TLL1: variants seen among roughly 807,000 people sequenced by gnomAD.
TLL1 encodes the protein tolloid like 1, also known as tolloid-like protein 1.
TLL1 carries 49 observed loss-of-function variants against 128.2 expected under a neutral mutation model. The observed-to-expected ratio is 0.38, with a 90% CI of 0.30 to 0.48. The LOEUF (loss-of-function observed/expected upper bound fraction) is 0.48. Among genes scored for constraint, TLL1 ranks in the 20% least tolerant of loss-of-function variants. The pLI is 0.96. For missense variants in TLL1, 1,123 were observed against 1,242.0 expected (o/e 0.90, Z 1.44); for synonymous variants, 454 against 418.8 (o/e 1.08, Z -1.03).
At chr4:165,881,590 C>A (rs767335915) in intron 1 of TLL1, among the ~76,000 whole-genome samples, 2 of 152,222 alleles carry the variant, frequency 1.3e-5, no homozygotes, top group Non-Finnish European at 2.9e-5. Flanking sequence ...CAGAGTAAGA[C>A]CAGTGTTTTA....
intron 9 of TLL1, among the ~76,000 whole-genome samples, chr4:166,035,107 C>T (rs1480280066): frequency 6.6e-6 from 1 of 152,142 alleles, no homozygotes; most frequent in Non-Finnish European, 1.5e-5. Context: ...TTTGGAGGGA[C>T]ATACACACTC....
At chr4:165,959,705 T>C (rs1234024438) in intron 1 of TLL1, among the ~76,000 whole-genome samples, 1 of 152,060 alleles carries the variant, frequency 6.6e-6, no homozygotes, top group Non-Finnish European at 1.5e-5. Flanking sequence ...AAAACCACAC[T>C]ATTGCATGGA....
At chr4:166,014,335 C>T in intron 7 of TLL1, 101 bp from the exon 8 acceptor site, 1 of 1,567,726 alleles carries the variant, frequency 6.4e-7, no homozygotes, top group Non-Finnish European at 8.7e-7. Context: ...TGTAGTTCCC[C>T]TTTGATTGAC....
intron 6 of TLL1, among the ~76,000 whole-genome samples, chr4:166,003,865 A>G (rs1486566777): frequency 6.6e-6 from 1 of 151,636 alleles, no homozygotes; most frequent in African/African-American, 2.4e-5. Context: ...CCATAAATTA[A>G]TATTATTAAA....
At position 166,103,331 on chromosome 4, in the gene TLL1, T is replaced by G. The variant is rs918465690; in HGVS notation, c.*2455T>G. ...AACAGCATGAAATTTAGAATACCAA[T>G]GATAGCTATCTTTAAGAATCAGAAT... On this transcript the variant is annotated 3_prime_UTR_variant, in exon 21 of 21. Transcript: ENST00000061240. 1 of 151,176 alleles carries G rather than the reference T, an allele frequency of 6.6e-6. No individual in the cohort carries two copies. The highest frequency in any genetic ancestry group is 1.5e-5 in the Non-Finnish European group (1 of 67,830). 9.4% of individuals were successfully genotyped at this position (151,176 alleles called of 1,614,324 possible). A position where few individuals can be genotyped will look rare whatever the true frequency, so the allele number is the denominator to read the frequency against.
chr4:166,004,941 G>A (rs1319761607), intron 6 of TLL1, among the ~76,000 whole-genome samples: 1 of 149,256 alleles, frequency 6.7e-6, no homozygotes, highest in Non-Finnish European at 1.5e-5. Flanking sequence ...TCGTTAACTG[G>A]GTGGTGGCGG....
rs146166769 is a variant in TLL1, at chr4:166,094,610, C to A, written c.2656+3269C>A. ...TTGAGGCTAAAACATTTAATGGTAA[C>A]TGAAATAGCACAAGAAGTTAATAAC... On this transcript the variant is annotated intron_variant, in intron 19 of 20. Coordinates refer to ENST00000061240, the MANE Select transcript of TLL1 (RefSeq NM_012464.5). Among the ~76,000 whole-genome samples, 801 of 152,234 alleles carry A rather than the reference C, an allele frequency of 5.3e-3. 4 individuals carry two copies. Among genetic ancestry groups the A allele is most frequent in the African/African-American group, 0.019 (774 of 41,560 alleles).
intron 5 of TLL1, among the ~76,000 whole-genome samples, chr4:165,999,885 G>A (rs1167259272): frequency 1.3e-5 from 2 of 152,142 alleles, no homozygotes; most frequent in African/African-American, 4.8e-5. Context: ...ACATAAAAAG[G>A]CAGAACCAGT....
At chr4:166,041,675 T>C (rs925175705) in intron 10 of TLL1, among the ~76,000 whole-genome samples, 2 of 152,182 alleles carry the variant, frequency 1.3e-5, no homozygotes, top group African/African-American at 4.8e-5. Flanking sequence ...TTAGGGTGAC[T>C]TGCACCTTTT....
chr4:166,028,766 C>T (rs12646597), intron 9 of TLL1, among the ~76,000 whole-genome samples: 83,791 of 151,766 alleles, frequency 0.55, 26,497 homozygotes, highest in African/African-American at 0.88. Flanking sequence ...AACTCTATTT[C>T]GTCTATTATT....
At chr4:165,881,937 G>A (rs1191826142) in intron 1 of TLL1, among the ~76,000 whole-genome samples, 1 of 152,124 alleles carries the variant, frequency 6.6e-6, no homozygotes, top group Non-Finnish European at 1.5e-5. Flanking sequence ...AATTTACTCG[G>A]AGTATTCATT....
At chr4:166,045,666 C>T (rs1037219547) in intron 12 of TLL1, among the ~76,000 whole-genome samples, 2 of 152,190 alleles carry the variant, frequency 1.3e-5, no homozygotes, top group East Asian at 1.9e-4. Flanking sequence ...CATCTAGACT[C>T]GATTATCATG....
In TLL1 at chr4:165,930,882, A is replaced by G. The variant is rs149481617; in HGVS notation, c.169+56809A>G. Among the ~76,000 whole-genome samples the G allele has an allele frequency of 2.3e-3, 357 of 152,352 alleles. 2 individuals are homozygous for G. The East Asian group carries it at 0.043, about 18-fold the overall frequency. ...CAGAAAAAAACATATGCATATATGT[A>G]GTATAGTGACTGTAAAGTGATCTTG... On this transcript the variant is annotated intron_variant, in intron 1 of 20. Coordinates refer to ENST00000061240, the MANE Select transcript of TLL1 (RefSeq NM_012464.5).
At position 166,008,038 on chromosome 4, in the gene TLL1, A is replaced by AC; in HGVS notation, c.909dup (p.Phe304LeufsTer15). ...CAGTATCATGCACTATGCCAGGAAC[A>AC]CCTTCTCAAGGTTGGAGTCTCAGGT... is the stretch of plus-strand genomic sequence containing the variant. On this transcript the variant is annotated frameshift_variant, in exon 7 of 21. Transcript: ENST00000061240. LOFTEE classifies it high-confidence loss of function. 6.2e-7 allele frequency: 1 copy of AC among 1,608,702 alleles called. No individual in the cohort carries two copies. The highest frequency in any genetic ancestry group is 1.1e-5 in the South Asian group (1 of 90,998).
At chr4:165,965,066 T>G (rs1382778948) in intron 1 of TLL1, among the ~76,000 whole-genome samples, 1 of 152,182 alleles carries the variant, frequency 6.6e-6, no homozygotes, top group African/African-American at 2.4e-5. Context: ...TTATGTTGAT[T>G]GATGTTATCT....
At chr4:165,897,413 G>A (rs1452574867) in intron 1 of TLL1, among the ~76,000 whole-genome samples, 1 of 152,144 alleles carries the variant, frequency 6.6e-6, no homozygotes, top group Non-Finnish European at 1.5e-5. Flanking sequence ...TAAGGTGTAA[G>A]GAAGTGGTCC....
chr4:166,040,115 C>A (rs1005981010), intron 10 of TLL1, among the ~76,000 whole-genome samples: 11 of 152,192 alleles, frequency 7.2e-5, no homozygotes, highest in African/African-American at 2.4e-4. Flanking sequence ...CTGTTTGGAG[C>A]ATGCAGGCAT....
intron 1 of TLL1, among the ~76,000 whole-genome samples, chr4:165,917,357 A>G (rs571858504): frequency 6.6e-6 from 1 of 152,220 alleles, no homozygotes; most frequent in African/African-American, 2.4e-5. Flanking sequence ...TTAGGTTTGA[A>G]TTCTGGTTAT....
intron 1 of TLL1, among the ~76,000 whole-genome samples, chr4:165,953,469 T>G (rs1359652707): frequency 6.6e-6 from 1 of 151,876 alleles, no homozygotes; most frequent in East Asian, 1.9e-4. Context: ...GAGCATCTAT[T>G]TATATATCAC....
Sources: gnomAD v4.1 joint callset for allele counts (sites outside exome capture counted in the v4.1 genomes callset) on GRCh38, gnomAD v4.1.1 for gene constraint, MANE v1.5 for transcripts, NCBI Gene and HGNC (gene_info 2026-07-23, HGNC 2026-07-21) for gene names.